AQP5: variants seen among roughly 807,000 people sequenced by gnomAD.
AQP5 encodes aquaporin-5.
Under a neutral mutation model 19.1 loss-of-function variants are expected in AQP5, and 15 were observed. That is an observed-to-expected ratio of 0.79 (90% CI 0.53 to 1.21). The LOEUF (loss-of-function observed/expected upper bound fraction) is 1.21, where lower values mean the gene tolerates loss of function less well. Among genes scored for constraint, AQP5 ranks in the 50% most tolerant of loss-of-function variants. The probability of loss-of-function intolerance (pLI) is 0.00; values close to 1 mark genes in which losing one functional copy is unlikely to be tolerated. For synonymous variants in AQP5, 182 were observed against 160.3 expected, an observed-to-expected ratio of 1.14 and a Z score of -1.02; for missense variants, 355 against 357.1, an observed-to-expected ratio of 0.99 and a Z score of 0.05.
intron 3 of AQP5, chr12:49,964,581 A>G (rs1947467136): frequency 2.2e-6 from 2 of 921,582 alleles, no homozygotes; most frequent in Non-Finnish European, 2.6e-6. Context: ...CCCTGTGGAC[A>G]GTCTGTCTGC....
chr12:49,963,855 A>C, intron 2 of AQP5, 199 bp downstream of exon 2: 2 of 856,316 alleles, frequency 2.3e-6, no homozygotes, highest in Admixed American at 5.7e-5. Flanking sequence ...AGATGGGAGT[A>C]AGTAGGAGGT....
intron 2 of AQP5, 92 bp from the exon 3 acceptor site, chr12:49,964,000 C>A (rs1947458667): frequency 7.7e-7 from 1 of 1,298,984 alleles, no homozygotes; most frequent in African/African-American, 1.5e-5. Flanking sequence ...CTGGCTGAGC[C>A]CCTGGACTGC....
At position 49,965,537 on chromosome 12, in the gene AQP5, G is replaced by GGGCAGA. The variant is rs774196342; in HGVS notation, c.*367_*372dup. ...GCTGAAGGGATCCCAGCCCCTAGGTGGGCAGAGGCAGACCCTCCCCAGAGC... is the reference window on the plus strand; with the variant it reads ...GCTGAAGGGATCCCAGCCCCTAGGTGGGCAGAGGCAGAGGCAGACCCTCCCCAGAGC... On this transcript the variant is annotated 3_prime_UTR_variant, in exon 4 of 4. Coordinates refer to ENST00000293599, the MANE Select transcript of AQP5 (RefSeq NM_001651.4). The GGGCAGA allele has an allele frequency of 1.5e-4, 28 of 182,662 alleles. No homozygotes were observed. The highest frequency in any genetic ancestry group is 2.7e-4 in the Non-Finnish European group (24 of 88,264). 11.3% of individuals were successfully genotyped at this position (182,662 alleles called of 1,614,324 possible).
At position 49,965,218 on chromosome 12, in the gene AQP5, AGG is replaced by A. The variant is rs1947477432; in HGVS notation, c.*45_*46del. 1 of 1,530,016 alleles carries A rather than the reference AGG, an allele frequency of 6.5e-7. No homozygotes were observed. The highest frequency in any genetic ancestry group is 1.4e-5 in the African/African-American group (1 of 71,630). 94.8% of individuals were successfully genotyped at this position (1,530,016 alleles called of 1,614,324 possible). A position where few individuals can be genotyped will look rare whatever the true frequency, so the allele number is the denominator to read the frequency against. Reference sequence around the variant, plus strand: ...GGCCAGCCCCTCAGCCCCTGAGCCAAGGGGGAAAAGAAGAAAAAGTACCTAAC... The same window carrying A: ...GGCCAGCCCCTCAGCCCCTGAGCCAAGGGAAAAGAAGAAAAAGTACCTAAC... On this transcript the variant is annotated 3_prime_UTR_variant, in exon 4 of 4. Coordinates refer to ENST00000293599, the MANE Select transcript of AQP5 (RefSeq NM_001651.4).
intron 1 of AQP5, chr12:49,962,902 G>C (rs1947445712): frequency 6.1e-6 from 1 of 165,258 alleles, no homozygotes; most frequent in South Asian, 1.7e-4. Flanking sequence ...GGCCAGTGCA[G>C]AGCAGTTTCT....
Position 49,965,481 on chromosome 12 carries a change from AC to A in AQP5, c.*310del, listed in dbSNP as rs1011529107. On this transcript the variant is annotated 3_prime_UTR_variant, in exon 4 of 4. Transcript: ENST00000293599. ...AGAAAAGGGCGGGCCTGCAGCCTGC[AC>A]CCCCCACCTTCCCCAACCCTTCCTC... is the stretch of plus-strand genomic sequence containing the variant. The A allele has an allele frequency of 2.1e-5, 5 of 235,062 alleles. No individual in the cohort carries two copies. The highest frequency in any genetic ancestry group is 8.9e-5 in the East Asian group (1 of 11,178). The allele number at this position is 235,062 out of a possible 1,614,324, so 14.6% of individuals were successfully genotyped here. A position where few individuals can be genotyped will look rare whatever the true frequency, so the allele number is the denominator to read the frequency against.
chr12:49,965,484 C>T lies in AQP5; in HGVS notation c.*307C>T, dbSNP rs1018293642. 4 of 234,424 alleles carry T rather than the reference C, an allele frequency of 1.7e-5. No individual in the cohort carries two copies. The highest frequency in any genetic ancestry group is 3.3e-5 in the Non-Finnish European group (4 of 121,364). The allele number at this position is 234,424 out of a possible 1,614,324, so 14.5% of individuals were successfully genotyped here. On this transcript the variant is annotated 3_prime_UTR_variant, in exon 4 of 4. Transcript: ENST00000293599. ...AAAGGGCGGGCCTGCAGCCTGCACC[C>T]CCCACCTTCCCCAACCCTTCCTCAA...
At position 49,962,253 on chromosome 12, in the gene AQP5, G is replaced by T; in HGVS notation, c.236G>T (p.Gly79Val). Residue 79 changes from glycine (G) to valine (V), a missense_variant, in exon 1 of 4, where the codon GGC (glycine) becomes GTC (valine). By Grantham distance (109) the Gly-to-Val change is moderately radical. Coordinates refer to ENST00000293599, the MANE Select transcript of AQP5 (RefSeq NM_001651.4). Reference protein sequence around the residue: ...NPAITLALLVGNQISLLRAFF... With the variant: ...NPAITLALLVVNQISLLRAFF... ...GCCATCACCCTGGCCCTCTTGGTGGGCAACCAGATCTCGCTGCTCCGGGCT... is the reference window on the plus strand; with the variant it reads ...GCCATCACCCTGGCCCTCTTGGTGGTCAACCAGATCTCGCTGCTCCGGGCT... 6.2e-7 allele frequency: 1 copy of T among 1,606,620 alleles called. No individual in the cohort carries two copies.
rs3736309 is a variant in AQP5, at chr12:49,964,271, A to G, written c.612+96A>G. On this transcript the variant is annotated intron_variant, in intron 3 of 3. Coordinates refer to ENST00000293599, the MANE Select transcript of AQP5 (RefSeq NM_001651.4). Reference sequence around the variant, plus strand: ...CACCAGACCTGGATTCTGTGGGTCTAGAGCTTGGGGGTGGGCCACGGAGTG... The same window carrying G: ...CACCAGACCTGGATTCTGTGGGTCTGGAGCTTGGGGGTGGGCCACGGAGTG... The G allele has an allele frequency of 0.16, 210,621 of 1,358,490 alleles. 18,825 individuals are homozygous for G. The highest frequency in any genetic ancestry group is 0.36 in the East Asian group (15,178 of 42,716). 84.2% of individuals were successfully genotyped at this position (1,358,490 alleles called of 1,614,324 possible). A position where few individuals can be genotyped will look rare whatever the true frequency, so the allele number is the denominator to read the frequency against.
At position 49,965,098 on chromosome 12, in the gene AQP5, A is replaced by G; in HGVS notation, c.719A>G (p.Lys240Arg). 2 of 1,614,030 alleles carry G rather than the reference A, an allele frequency of 1.2e-6. No homozygotes were observed. The highest frequency in any genetic ancestry group is 1.3e-5 in the African/African-American group (1 of 75,004). Residue 240 changes from lysine (K) to arginine (R), a missense_variant, in exon 4 of 4, where the codon AAA becomes AGA. By Grantham distance (26) the Lys-to-Arg change is conservative (BLOSUM62 2). Transcript: ENST00000293599. The stretch of plus-strand genomic sequence containing the variant: ...CTGAGTGAGCGTGTGGCCATCATCA[A>G]AGGCACGTATGAGCCTGACGAGGAC... ...LSLSERVAII[K>R]GTYEPDEDWE...
Position 49,963,489 on chromosome 12 carries a change from C to T in AQP5, c.364-3C>T. ...GGGGTCCTAACCCGCTATCCCCTTGCAGCTCAACAACAACACAACGCAGGG... is the reference window on the plus strand; with the variant it reads ...GGGGTCCTAACCCGCTATCCCCTTGTAGCTCAACAACAACACAACGCAGGG... On this transcript the variant is annotated splice_polypyrimidine_tract_variant and splice_region_variant and intron_variant, in intron 1 of 3. Coordinates refer to ENST00000293599, the MANE Select transcript of AQP5 (RefSeq NM_001651.4). 1.2e-6 allele frequency: 2 copies of T among 1,613,508 alleles called. No homozygotes were observed. The highest frequency in any genetic ancestry group is 2.2e-5 in the South Asian group (2 of 91,050).
chr12:49,962,707 A>G, intron 1 of AQP5: 1 of 281,050 alleles, frequency 3.6e-6, no homozygotes. Flanking sequence ...CACCTCTCCC[A>G]TCACCTCAGT....
Position 49,965,578 on chromosome 12 carries a change from C to G in AQP5, c.*401C>G, listed in dbSNP as rs1012522030. 6.1e-6 allele frequency: 1 copy of G among 164,128 alleles called. No individual in the cohort carries two copies. Among genetic ancestry groups the G allele is most frequent in the Non-Finnish European group, 1.3e-5 (1 of 76,142 alleles). 10.2% of individuals were successfully genotyped at this position (164,128 alleles called of 1,614,324 possible). A position where few individuals can be genotyped will look rare whatever the true frequency, so the allele number is the denominator to read the frequency against. ...TCCCCAGAGCTCCTTAGGAAGAAGACAGACTGGTTCATTGAATGCCGCCTT... is the reference window on the plus strand; with the variant it reads ...TCCCCAGAGCTCCTTAGGAAGAAGAGAGACTGGTTCATTGAATGCCGCCTT... On this transcript the variant is annotated 3_prime_UTR_variant, in exon 4 of 4. Coordinates refer to ENST00000293599, the MANE Select transcript of AQP5 (RefSeq NM_001651.4).
In AQP5 at chr12:49,962,261, A is replaced by G; in HGVS notation, c.244A>G (p.Ile82Val). 1 of 1,606,652 alleles carries G rather than the reference A, an allele frequency of 6.2e-7. No homozygotes were observed. The highest frequency in any genetic ancestry group is 8.5e-7 in the Non-Finnish European group (1 of 1,179,808). The change falls in exon 1 of 4, where the codon ATC becomes GTC. Residue 82 changes from isoleucine (I) to valine (V), a missense_variant. Transcript: ENST00000293599. Reference protein sequence around the residue: ...ITLALLVGNQISLLRAFFYVA... With the variant: ...ITLALLVGNQVSLLRAFFYVA... Reference sequence around the variant, plus strand: ...CCTGGCCCTCTTGGTGGGCAACCAGATCTCGCTGCTCCGGGCTTTCTTCTA... The same window carrying G: ...CCTGGCCCTCTTGGTGGGCAACCAGGTCTCGCTGCTCCGGGCTTTCTTCTA...
chr12:49,962,039 G>C lies in AQP5; in HGVS notation c.22G>C (p.Val8Leu). 6.3e-7 allele frequency: 1 copy of C among 1,592,352 alleles called. No individual in the cohort carries two copies. The highest frequency in any genetic ancestry group is 1.7e-4 in the Middle Eastern group (1 of 5,980). The change falls in exon 1 of 4, where the codon GTG (valine) becomes CTG (leucine). Residue 8 changes from valine (V) to leucine (L), a missense_variant. Val to Leu is a conservative substitution (Grantham distance 32, BLOSUM62 1). Transcript: ENST00000293599. ...CACCATGAAGAAGGAGGTGTGCTCC[G>C]TGGCCTTCCTCAAGGCCGTGTTCGC... Reference protein sequence around the residue: MKKEVCSVAFLKAVFAEF... With the variant: MKKEVCSLAFLKAVFAEF...
Position 49,965,269 on chromosome 12 carries a change from G to C in AQP5, c.*92G>C. ...ACACAAGCTTCCTTTTTGCACAACCGGTCCTCTTGGCTGAGGAGGAGGAGC... is the reference window on the plus strand; with the variant it reads ...ACACAAGCTTCCTTTTTGCACAACCCGTCCTCTTGGCTGAGGAGGAGGAGC... On this transcript the variant is annotated 3_prime_UTR_variant, in exon 4 of 4. Coordinates refer to ENST00000293599, the MANE Select transcript of AQP5 (RefSeq NM_001651.4). 1 of 1,390,058 alleles carries C rather than the reference G, an allele frequency of 7.2e-7. No individual in the cohort carries two copies. Among genetic ancestry groups the C allele is most frequent in the Non-Finnish European group, 9.5e-7 (1 of 1,055,856 alleles). The allele number at this position is 1,390,058 out of a possible 1,614,324, so 86.1% of individuals were successfully genotyped here. A position where few individuals can be genotyped will look rare whatever the true frequency, so the allele number is the denominator to read the frequency against.
intron 1 of AQP5, 120 bp downstream of exon 1, chr12:49,962,500 G>A (rs1196067611): frequency 4.9e-6 from 7 of 1,427,852 alleles, no homozygotes; most frequent in Non-Finnish European, 6.4e-6. Context: ...CCTTCACCAG[G>A]AAGGCAAGAG....
intron 3 of AQP5, 99 bp downstream of exon 3, chr12:49,964,274 G>T: frequency 3.8e-6 from 5 of 1,316,940 alleles, no homozygotes; most frequent in Non-Finnish European, 5.4e-6. Flanking sequence ...TGGGTCTAGA[G>T]CTTGGGGGTG....
intron 1 of AQP5, chr12:49,962,600 C>G (rs1360031516): frequency 7.2e-6 from 4 of 552,772 alleles, no homozygotes; most frequent in Non-Finnish European, 1.1e-5. Context: ...CTGGCCCACC[C>G]TGGTCTCTCT....
Sources: gnomAD v4.1 joint callset for allele counts on GRCh38, gnomAD v4.1.1 for gene constraint, MANE v1.5 for transcripts, NCBI Gene and HGNC (gene_info 2026-07-23, HGNC 2026-07-21) for gene names.